MIGA1: variants seen among roughly 807,000 people sequenced by gnomAD.
MIGA1 encodes the protein family with sequence similarity 73, member A.
A neutral mutation model predicts 82.0 loss-of-function variants in MIGA1; 58 were observed. The observed-to-expected ratio is 0.71, with a 90% CI of 0.57 to 0.88. MIGA1 has a LOEUF of 0.88. Ranked by LOEUF, MIGA1 falls within the 40% of genes least tolerant of loss-of-function variation. The pLI is 0.00. For missense variants in MIGA1, 751 were observed against 749.1 expected (o/e 1.00, Z -0.03); for synonymous variants, 249 against 253.6 (o/e 0.98, Z 0.17).
intron 7 of MIGA1, among the ~76,000 whole-genome samples, chr1:77,841,486 A>G (rs376442697): frequency 6.6e-6 from 1 of 150,922 alleles, no homozygotes; most frequent in Non-Finnish European, 1.5e-5. Flanking sequence ...ACTAGGAATT[A>G]TATTCCAAGT....
At chr1:77,862,084 TG>T (rs1397358163) in intron 12 of MIGA1, 1 of 145,006 alleles carries the variant, frequency 6.9e-6, no homozygotes, top group Non-Finnish European at 1.5e-5. Flanking sequence ...GAGGCGGCAG[TG>T]AGCCAAGATC....
chr1:77,817,506 C>T (rs1020040401), intron 7 of MIGA1, among the ~76,000 whole-genome samples: 4 of 152,142 alleles, frequency 2.6e-5, no homozygotes, highest in East Asian at 1.9e-4. Flanking sequence ...TCTCTGTAGC[C>T]GTCCAGTTCG....
intron 8 of MIGA1, chr1:77,848,146 A>G (rs1684913267): frequency 1.4e-6 from 2 of 1,387,912 alleles, no homozygotes; most frequent in South Asian, 2.3e-5. Flanking sequence ...CGTGATTACC[A>G]GAAAGAAAGG....
intron 7 of MIGA1, among the ~76,000 whole-genome samples, chr1:77,834,418 C>T (rs1684354117): frequency 6.6e-6 from 1 of 152,268 alleles, no homozygotes; most frequent in East Asian, 1.9e-4. Context: ...TCAAGTGGTC[C>T]TCCCGCCTCA....
At chr1:77,859,208 A>G (rs1685375404) in intron 9 of MIGA1, 106 bp from the exon 10 acceptor site, 1 of 1,039,014 alleles carries the variant, frequency 9.6e-7, no homozygotes, top group South Asian at 1.3e-5. Context: ...TTGAAAAAAC[A>G]TGTTTTATAT....
At chr1:77,801,601 C>A in intron 3 of MIGA1, 93 bp downstream of exon 3, 3 of 1,045,122 alleles carry the variant, frequency 2.9e-6, no homozygotes, top group Admixed American at 3.5e-5. Flanking sequence ...GAATTTTCTT[C>A]CTAATATATT....
intron 5 of MIGA1, among the ~76,000 whole-genome samples, chr1:77,808,124 T>TTCTC (rs780059789): frequency 6.7e-6 from 1 of 150,110 alleles, no homozygotes; most frequent in African/African-American, 2.5e-5. Context: ...CCAGCCACCT[T>TTCTC]TCTCTCTTTT....
chr1:77,843,628 G>T (rs1034876260), intron 8 of MIGA1, among the ~76,000 whole-genome samples: 2 of 152,074 alleles, frequency 1.3e-5, no homozygotes, highest in African/African-American at 4.8e-5. Flanking sequence ...GGTTTAGATG[G>T]GCACTTTCAT....
intron 14 of MIGA1, among the ~76,000 whole-genome samples, chr1:77,869,150 G>C (rs1459794166): frequency 6.8e-6 from 1 of 147,726 alleles, no homozygotes; most frequent in African/African-American, 2.5e-5. Context: ...GACTCTTAAC[G>C]AGCATGCTGC....
chr1:77,783,759 A>T (rs574436753), intron 2 of MIGA1, among the ~76,000 whole-genome samples: 1 of 152,340 alleles, frequency 6.6e-6, no homozygotes, highest in African/African-American at 2.4e-5. Context: ...ACATTGTTGT[A>T]CAAACAATAT....
At chr1:77,828,597 A>G (rs1684119137) in intron 7 of MIGA1, among the ~76,000 whole-genome samples, 2 of 152,216 alleles carry the variant, frequency 1.3e-5, no homozygotes. Flanking sequence ...AATATAATGT[A>G]TGGTTCATGT....
intron 2 of MIGA1, among the ~76,000 whole-genome samples, chr1:77,788,460 G>GT (rs1430867052): frequency 1.3e-5 from 2 of 152,144 alleles, no homozygotes; most frequent in Non-Finnish European, 2.9e-5. Context: ...TTTTTATTCT[G>GT]TTGATGGTGT....
intron 14 of MIGA1, among the ~76,000 whole-genome samples, chr1:77,869,708 C>A (rs1391339064): frequency 1.7e-5 from 2 of 119,254 alleles, no homozygotes; most frequent in African/African-American, 3.4e-5. Context: ...CTGACCCCCC[C>A]ACCTCCCTCC....
chr1:77,820,038 C>T (rs1683740726), intron 7 of MIGA1, among the ~76,000 whole-genome samples: 1 of 151,696 alleles, frequency 6.6e-6, no homozygotes, highest in African/African-American at 2.4e-5. Flanking sequence ...AGCAGGCAGC[C>T]TGGAAATTCC....
intron 8 of MIGA1, among the ~76,000 whole-genome samples, chr1:77,843,961 G>A (rs1259036634): frequency 6.6e-6 from 1 of 151,322 alleles, no homozygotes; most frequent in African/African-American, 2.4e-5. Flanking sequence ...TTAACCAGAT[G>A]TGGTAGTGAG....
At chr1:77,837,138 A>G (rs917724053) in intron 7 of MIGA1, among the ~76,000 whole-genome samples, 1 of 152,208 alleles carries the variant, frequency 6.6e-6, no homozygotes, top group Admixed American at 6.5e-5. Flanking sequence ...TCCAATAGAA[A>G]TATAATGTGA....
chr1:77,797,628 C>T (rs1370522518), intron 2 of MIGA1, among the ~76,000 whole-genome samples: 1 of 152,004 alleles, frequency 6.6e-6, no homozygotes, highest in African/African-American at 2.4e-5. Flanking sequence ...CTTTTATCTT[C>T]TTTGATATCT....
chr1:77,862,454 A>G (rs918699460), intron 12 of MIGA1, among the ~76,000 whole-genome samples: 4 of 149,752 alleles, frequency 2.7e-5, no homozygotes. Flanking sequence ...CTCAAAAAAT[A>G]TATAGATATA....
chr1:77,841,056 G>A (rs527947794), intron 7 of MIGA1, among the ~76,000 whole-genome samples: 1 of 152,172 alleles, frequency 6.6e-6, no homozygotes, highest in Admixed American at 6.5e-5. Context: ...CTAATTGAGT[G>A]TCCCAAAATA....
Sources: gnomAD v4.1 joint callset for allele counts (sites outside exome capture counted in the v4.1 genomes callset) on GRCh38, gnomAD v4.1.1 for gene constraint, MANE v1.5 for transcripts, NCBI Gene and HGNC (gene_info 2026-07-23, HGNC 2026-07-21) for gene names.